PHACTR2: variants seen among roughly 807,000 people sequenced by gnomAD.
PHACTR2 encodes the protein chromosome 6 open reading frame 56.
In PHACTR2, 30 loss-of-function variants were observed where a neutral mutation model predicts 76.0. The ratio of observed to expected loss-of-function variants is 0.39; its 90% CI spans 0.30 to 0.54. The LOEUF (loss-of-function observed/expected upper bound fraction) is 0.54, where lower values mean the gene tolerates loss of function less well. PHACTR2 is among the 20% of genes least tolerant of loss of function. The pLI is 0.61. For synonymous variants in PHACTR2, 292 were observed against 292.5 expected (o/e 1.00, Z 0.02); for missense variants, 696 against 781.1 (o/e 0.89, Z 1.30).
intron 1 of PHACTR2, among the ~76,000 whole-genome samples, chr6:143,622,399 C>T (rs916578951): frequency 3.3e-5 from 5 of 152,154 alleles, no homozygotes; most frequent in African/African-American, 1.2e-4. Flanking sequence ...CTGTTCTCCT[C>T]GCGTACATCT....
chr6:143,817,065 C>T (rs890995939), intron 12 of PHACTR2, among the ~76,000 whole-genome samples: 1 of 148,096 alleles, frequency 6.8e-6, no homozygotes, highest in Non-Finnish European at 1.5e-5. Flanking sequence ...GACGGTGTCC[C>T]CCCCACCCCC....
chr6:143,642,993 AC>A (rs1776594914), intron 1 of PHACTR2, among the ~76,000 whole-genome samples: 1 of 152,240 alleles, frequency 6.6e-6, no homozygotes, highest in South Asian at 2.1e-4. Flanking sequence ...GTTCATGAGT[AC>A]TAAGATAGCT....
In PHACTR2 at chr6:143,780,502, A is replaced by C. The variant is rs1775401705; in HGVS notation, c.1646-2717A>C. ...TGGAAACATGTAAAAAGCAGAAAGA[A>C]AAACAAATCCACAAAAAAATTTGGC... On this transcript the variant is annotated intron_variant, in intron 9 of 12. Coordinates refer to ENST00000440869, the MANE Select transcript of PHACTR2 (RefSeq NM_001100164.2). The surrounding 1 kb of genome is among the most constrained non-coding windows in gnomAD (Gnocchi z 4.4). Among the ~76,000 whole-genome samples, 2 of 152,250 alleles carry C rather than the reference A, an allele frequency of 1.3e-5. No homozygotes were observed. Among genetic ancestry groups the C allele is most frequent in the African/African-American group, 4.8e-5 (2 of 41,468 alleles).
chr6:143,771,237 CT>C (rs1407038970), intron 6 of PHACTR2, among the ~76,000 whole-genome samples: 1 of 39,232 alleles, frequency 2.5e-5, no homozygotes, highest in East Asian at 5.4e-4. Flanking sequence ...TATATATATG[CT>C]TTTTTTTATT....
chr6:143,807,572 T>A lies in PHACTR2; in HGVS notation c.1922+439T>A, dbSNP rs1286969335. ...GGTCTGAAGACATCATTTATTCTGC[T>A]CTTGAACAGACTTAGTTGAAGTTGT... is the stretch of plus-strand genomic sequence containing the variant. On this transcript the variant is annotated intron_variant, in intron 12 of 12. Transcript: ENST00000440869. This position sits in a 1 kb window ranked among gnomAD's most constrained non-coding sequence, Gnocchi z 5.5. 6.6e-6 allele frequency among the ~76,000 whole-genome samples: 1 copy of A among 152,228 alleles called. No homozygotes were observed. The highest frequency in any genetic ancestry group is 1.5e-5 in the Non-Finnish European group (1 of 68,040).
chr6:143,761,342 T>C lies in PHACTR2; in HGVS notation c.694+702T>C, dbSNP rs965822358. On this transcript the variant is annotated intron_variant, in intron 5 of 12. Transcript: ENST00000440869. The surrounding 1 kb of genome is among the most constrained non-coding windows in gnomAD (Gnocchi z 5.2). ...GGATGTTTGAGTGACCTGCAATAAC[T>C]CATGCAATATGTATCCAGCTTTGCT... Among the ~76,000 whole-genome samples, 1 of 152,230 alleles carries C rather than the reference T, an allele frequency of 6.6e-6. No homozygotes were observed. Among genetic ancestry groups the C allele is most frequent in the Admixed American group, 6.5e-5 (1 of 15,282 alleles).
chr6:143,599,909 T>C lies in PHACTR2; in HGVS notation c.217+62702T>C, dbSNP rs536183726. Among the ~76,000 whole-genome samples, 1 of 152,320 alleles carries C rather than the reference T, an allele frequency of 6.6e-6. No individual in the cohort carries two copies. The highest frequency in any genetic ancestry group is 1.5e-5 in the Non-Finnish European group (1 of 68,012). On this transcript the variant is annotated intron_variant, in intron 1 of 11. Transcript: ENST00000367584. The surrounding 1 kb of genome is among the most constrained non-coding windows in gnomAD (Gnocchi z 4.6). ...AGACAATTGGGAGTGGTGGAAACTT[T>C]GGCAAACTCAGAGCAGATGCCTTGT... is the stretch of plus-strand genomic sequence containing the variant.
At chr6:143,540,138 C>A (rs1480371981) in intron 1 of PHACTR2, among the ~76,000 whole-genome samples, 2 of 152,248 alleles carry the variant, frequency 1.3e-5, no homozygotes, top group African/African-American at 4.8e-5. Context: ...GTCTCCCAAG[C>A]AGCCTTCCTT....
chr6:143,647,628 C>T lies in PHACTR2; in HGVS notation c.13+39306C>T, dbSNP rs1384595971. Among the ~76,000 whole-genome samples the T allele has an allele frequency of 6.6e-6, 1 of 152,098 alleles. No individual in the cohort carries two copies. Among genetic ancestry groups the T allele is most frequent in the Non-Finnish European group, 1.5e-5 (1 of 68,018 alleles). On this transcript the variant is annotated intron_variant, in intron 1 of 11. Coordinates refer to the PHACTR2 transcript ENST00000305766. This position sits in a 1 kb window ranked among gnomAD's most constrained non-coding sequence, Gnocchi z 4.2. Reference sequence around the variant, plus strand: ...AGAGAATCATGGGGTTTTGACTTTACGCGGGAGTCAGGGAAGGCCTCCGTG... The same window carrying T: ...AGAGAATCATGGGGTTTTGACTTTATGCGGGAGTCAGGGAAGGCCTCCGTG...
Position 143,700,523 on chromosome 6 carries a change from C to T in PHACTR2, c.47-11493C>T, listed in dbSNP as rs944808308. Among the ~76,000 whole-genome samples, 9 of 152,136 alleles carry T rather than the reference C, an allele frequency of 5.9e-5. No homozygotes were observed. Among genetic ancestry groups the T allele is most frequent in the Non-Finnish European group, 1.2e-4 (8 of 68,022 alleles). On this transcript the variant is annotated intron_variant, in intron 1 of 12. Coordinates refer to ENST00000440869, the MANE Select transcript of PHACTR2 (RefSeq NM_001100164.2). This position sits in a 1 kb window ranked among gnomAD's most constrained non-coding sequence, Gnocchi z 4.1. ...TGAGCTGAGATCTCACCACTGCACT[C>T]CATCTGGGTGACAGAACGAGACTCC...
chr6:143,656,871 A>G lies in PHACTR2; in HGVS notation c.13+48549A>G, dbSNP rs1167779546. Reference sequence around the variant, plus strand: ...ACTATCTGCCAGGTTTCAAATGAACATAGGCTTGATTGGCCACACGAAAAT... The same window carrying G: ...ACTATCTGCCAGGTTTCAAATGAACGTAGGCTTGATTGGCCACACGAAAAT... On this transcript the variant is annotated intron_variant, in intron 1 of 11. Coordinates refer to the PHACTR2 transcript ENST00000305766. The surrounding 1 kb of genome is among the most constrained non-coding windows in gnomAD (Gnocchi z 5.3). Among the ~76,000 whole-genome samples the G allele has an allele frequency of 6.6e-6, 1 of 152,238 alleles. No homozygotes were observed.
intron 1 of PHACTR2, among the ~76,000 whole-genome samples, chr6:143,649,556 G>A (rs560430951): frequency 7.2e-5 from 11 of 152,234 alleles, no homozygotes; most frequent in Middle Eastern, 6.8e-3. Context: ...ATCAATAAAT[G>A]TGATTCATCA....
rs757260056 is a variant in PHACTR2, at chr6:143,787,942, A to T, written c.1708-831A>T. Among the ~76,000 whole-genome samples, 3 of 152,226 alleles carry T rather than the reference A, an allele frequency of 2.0e-5. No individual in the cohort carries two copies. In the East Asian group the frequency reaches 5.8e-4, roughly 29 times the overall value. ...CCCAACTAAGAAAGACCAAAATGGG[A>T]GTGAACCTCCGTAGCAGAGAGTAGA... On this transcript the variant is annotated intron_variant, in intron 10 of 12. Coordinates refer to ENST00000440869, the MANE Select transcript of PHACTR2 (RefSeq NM_001100164.2). The surrounding 1 kb of genome is among the most constrained non-coding windows in gnomAD (Gnocchi z 4.6).
rs77065497 is a variant in PHACTR2 at position 143,556,967 on chromosome 6, C to T, written c.217+19760C>T. Among the ~76,000 whole-genome samples, 1,807 of 152,194 alleles carry T rather than the reference C, an allele frequency of 0.012. 41 individuals are homozygous for T. Among genetic ancestry groups the T allele is most frequent in the African/African-American group, 0.041 (1,709 of 41,518 alleles). Reference sequence around the variant, plus strand: ...AGAGAGACCACATTTCCTTTTGAAACAAAAATGAGGCCAGAAAGAAAGGGC... The same window carrying T: ...AGAGAGACCACATTTCCTTTTGAAATAAAAATGAGGCCAGAAAGAAAGGGC... On this transcript the variant is annotated intron_variant, in intron 1 of 11. Transcript: ENST00000367584. The surrounding 1 kb of genome is among the most constrained non-coding windows in gnomAD (Gnocchi z 4.3).
rs1250370489 is a variant in PHACTR2 at position 143,558,231 on chromosome 6, G to A, written c.217+21024G>A. The A allele has an allele frequency of 6.6e-6, 1 of 152,036 alleles. No individual in the cohort carries two copies. The highest frequency in any genetic ancestry group is 1.5e-5 in the Non-Finnish European group (1 of 68,024). The allele number at this position is 152,036 out of a possible 1,614,324, so 9.4% of individuals were successfully genotyped here. A position where few individuals can be genotyped will look rare whatever the true frequency, so the allele number is the denominator to read the frequency against. On this transcript the variant is annotated intron_variant, in intron 1 of 11. Transcript: ENST00000367584. This position sits in a 1 kb window ranked among gnomAD's most constrained non-coding sequence, Gnocchi z 4.7. ...AGTGTAAGAAAAAAAAGTTATCCTG[G>A]ATATATTTGATGATATTAAGGAATT...
intron 1 of PHACTR2, among the ~76,000 whole-genome samples, chr6:143,542,166 C>T (rs1327339221): frequency 6.6e-6 from 1 of 152,164 alleles, no homozygotes; most frequent in Non-Finnish European, 1.5e-5. Flanking sequence ...GGGCTCAGGT[C>T]CAGCCTGCGC....
intron 2 of PHACTR2, among the ~76,000 whole-genome samples, chr6:143,715,099 ATC>A (rs1352059336): frequency 6.6e-6 from 1 of 151,976 alleles, no homozygotes. Context: ...ACTGCAATCT[ATC>A]TCTGTGTCCT....
rs374557876 is a variant in PHACTR2 at position 143,751,696 on chromosome 6, T to C, written c.296-2058T>C. Among the ~76,000 whole-genome samples the C allele has an allele frequency of 6.6e-6, 1 of 151,962 alleles. No homozygotes were observed. Among genetic ancestry groups the C allele is most frequent in the East Asian group, 1.9e-4 (1 of 5,178 alleles). The stretch of plus-strand genomic sequence containing the variant: ...TACGTTTTGAGTTTTCTCTTTCCTT[T>C]GCTCTCGTGAGATGTGTTGACTTGG... On this transcript the variant is annotated intron_variant, in intron 3 of 12. Transcript: ENST00000440869. The surrounding 1 kb of genome is among the most constrained non-coding windows in gnomAD (Gnocchi z 5.7).
At chr6:143,573,904 T>C (rs1238867112) in intron 1 of PHACTR2, among the ~76,000 whole-genome samples, 6 of 152,230 alleles carry the variant, frequency 3.9e-5, no homozygotes, top group Non-Finnish European at 1.5e-5. Flanking sequence ...TTTAATATGC[T>C]ACCTGTTTTC....
Sources: allele counts gnomAD v4.1 joint callset (sites outside exome capture counted in the v4.1 genomes callset), GRCh38; gene constraint gnomAD v4.1.1; non-coding constraint Gnocchi (gnomAD v3.1); transcripts MANE v1.5; gene names NCBI Gene and HGNC (gene_info 2026-07-23, HGNC 2026-07-21).